Variants in CPS1 observed in about 807,000 individuals in gnomAD.
CPS1 encodes carbamoyl-phosphate synthase 1.
A neutral mutation model predicts 174.6 loss-of-function variants in CPS1; 109 were observed. The observed-to-expected ratio is 0.62, with a 90% CI of 0.53 to 0.73. CPS1 has a LOEUF of 0.73. Among genes scored for constraint, CPS1 ranks in the 30% least tolerant of loss-of-function variants. The pLI is 0.00. For synonymous variants in CPS1, 637 were observed against 632.0 expected (o/e 1.01, Z -0.12); for missense variants, 1,689 against 1,821.9 (o/e 0.93, Z 1.33).
intron 1 of CPS1, among the ~76,000 whole-genome samples, chr2:210,539,269 C>G (rs1411173562): frequency 6.6e-6 from 1 of 152,150 alleles, no homozygotes; most frequent in Non-Finnish European, 1.5e-5. Context: ...AGTGTTTGCT[C>G]TTATTCTCAG....
At chr2:210,538,176 G>C (rs1287879612) in intron 1 of CPS1, among the ~76,000 whole-genome samples, 1 of 152,090 alleles carries the variant, frequency 6.6e-6, no homozygotes, top group Non-Finnish European at 1.5e-5. Context: ...TTAATAAGAT[G>C]CCATTTTCAG....
intron 13 of CPS1, among the ~76,000 whole-genome samples, chr2:210,595,995 A>C (rs920584500): frequency 1.2e-4 from 18 of 151,926 alleles, no homozygotes; most frequent in African/African-American, 4.3e-4. Flanking sequence ...TCTGTGGTTG[A>C]AATGGGAAAC....
intron 1 of CPS1, among the ~76,000 whole-genome samples, chr2:210,568,310 AGAGAGCGAGCCAGAT>A (rs1262673834): frequency 1.3e-5 from 2 of 152,110 alleles, no homozygotes; most frequent in Non-Finnish European, 2.9e-5. Flanking sequence ...TATTCCATAT[AGAGAGCGAGCCAGAT>A]GAGAGGACTT....
In CPS1 at chr2:210,590,882, C is replaced by T. The variant is rs200664811; in HGVS notation, c.923C>T (p.Thr308Ile). ...LITGLAAGAK[T>I]YKMSMANRGQ... is the part of the protein sequence containing the mutation. Reference sequence around the variant, plus strand: ...ACAGGATTGGCTGCTGGTGCCAAAACCTACAAGATGTCCATGGCCAACAGG... The same window carrying T: ...ACAGGATTGGCTGCTGGTGCCAAAATCTACAAGATGTCCATGGCCAACAGG... Residue 308 changes from threonine to isoleucine, a missense_variant, in exon 9 of 38, where the codon ACC becomes ATC. By Grantham distance (89) the Thr-to-Ile change is moderately conservative. Coordinates refer to ENST00000233072, the MANE Select transcript of CPS1 (RefSeq NM_001875.5). The T allele has an allele frequency of 6.2e-7, 1 of 1,611,208 alleles. No homozygotes were observed. The highest frequency in any genetic ancestry group is 2.2e-5 in the East Asian group (1 of 44,758).
intron 1 of CPS1, among the ~76,000 whole-genome samples, chr2:210,536,543 G>T (rs1413147473): frequency 1.3e-5 from 2 of 152,122 alleles, no homozygotes; most frequent in Middle Eastern, 3.4e-3. Flanking sequence ...AGCCAGGATG[G>T]CTACGATCTC....
At position 210,627,772 on chromosome 2, in the gene CPS1, G is replaced by C. The variant is rs929506480; in HGVS notation, c.2688-9930G>C. The stretch of plus-strand genomic sequence containing the variant: ...CAGGAGAGGAAAGAAAACAAAGGGA[G>C]CTGAGGTGCTGGGCCAAATGTAGGT... On this transcript the variant is annotated intron_variant, in intron 21 of 37. Transcript: ENST00000233072. Among the ~76,000 whole-genome samples, 6 of 152,190 alleles carry C rather than the reference G, an allele frequency of 3.9e-5. 1 individual carries two copies. Among genetic ancestry groups the C allele is most frequent in the Admixed American group, 3.9e-4 (6 of 15,286 alleles).
intron 11 of CPS1, chr2:210,593,570 T>C: frequency 2.0e-6 from 2 of 985,562 alleles, no homozygotes; most frequent in Non-Finnish European, 1.2e-6. Flanking sequence ...AAATAAATTC[T>C]TCTGGTGATA....
intron 1 of CPS1, among the ~76,000 whole-genome samples, chr2:210,487,574 T>C (rs374729981): frequency 5.0e-4 from 76 of 152,350 alleles, no homozygotes; most frequent in African/African-American, 1.8e-3. Context: ...GTGAGGACTT[T>C]GGTGGAAATT....
intron 1 of CPS1, among the ~76,000 whole-genome samples, chr2:210,529,323 T>G (rs1174031716): frequency 6.6e-6 from 1 of 152,004 alleles, no homozygotes; most frequent in African/African-American, 2.4e-5. Context: ...AATTTCCACT[T>G]TCTCTTGGGA....
At chr2:210,510,891 A>C (rs1175623875) in intron 1 of CPS1, among the ~76,000 whole-genome samples, 1 of 152,144 alleles carries the variant, frequency 6.6e-6, no homozygotes, top group Non-Finnish European at 1.5e-5. Context: ...ACAGGTGCTG[A>C]AGAGGATGTG....
chr2:210,554,054 C>T (rs1387494795), upstream of CPS1, among the ~76,000 whole-genome samples: 2 of 148,236 alleles, frequency 1.3e-5, no homozygotes, highest in African/African-American at 5.0e-5. Context: ...AAGACATGGA[C>T]CATAAAATAT....
intron 1 of CPS1, among the ~76,000 whole-genome samples, chr2:210,521,129 T>C (rs924171361): frequency 1.3e-5 from 2 of 152,086 alleles, no homozygotes; most frequent in Admixed American, 1.3e-4. Context: ...GTCTTTCAAA[T>C]TGTAGCCATT....
At chr2:210,578,572 G>A (rs1453162494) in intron 4 of CPS1, among the ~76,000 whole-genome samples, 4 of 152,042 alleles carry the variant, frequency 2.6e-5, no homozygotes, top group Non-Finnish European at 4.4e-5. Flanking sequence ...TTTATTCTAC[G>A]AAAGTGCTGC....
chr2:210,543,305 A>G (rs546938194), intron 1 of CPS1, among the ~76,000 whole-genome samples: 1 of 152,228 alleles, frequency 6.6e-6, no homozygotes, highest in Non-Finnish European at 1.5e-5. Flanking sequence ...ATAAATGGCA[A>G]ATCAATATGT....
intron 22 of CPS1, among the ~76,000 whole-genome samples, chr2:210,638,051 G>C (rs1325785551): frequency 6.6e-6 from 1 of 152,188 alleles, no homozygotes; most frequent in African/African-American, 2.4e-5. Flanking sequence ...AGGACACTAG[G>C]ATGTAAAGAT....
intron 1 of CPS1, among the ~76,000 whole-genome samples, chr2:210,480,655 C>T (rs908738512): frequency 2.0e-5 from 3 of 152,190 alleles, no homozygotes; most frequent in African/African-American, 7.2e-5. Flanking sequence ...CTTTCAAACA[C>T]ACATATACGC....
rs778477995 is a variant in CPS1 at position 210,641,969 on chromosome 2, G to C, written c.2960-515G>C. Among the ~76,000 whole-genome samples, 63 of 152,282 alleles carry C rather than the reference G, an allele frequency of 4.1e-4. 1 individual carries two copies. Among genetic ancestry groups the C allele is most frequent in the Non-Finnish European group, 3.1e-4 (21 of 68,024 alleles). On this transcript the variant is annotated intron_variant, in intron 24 of 37. Transcript: ENST00000233072. ...GGCCTTGCCAAGTTTAAAAGGATATGCTTGGAAAAGATAGGACTCTTCAAT... is the reference window on the plus strand; with the variant it reads ...GGCCTTGCCAAGTTTAAAAGGATATCCTTGGAAAAGATAGGACTCTTCAAT...
intron 21 of CPS1, among the ~76,000 whole-genome samples, chr2:210,636,093 T>C (rs1038654322): frequency 1.3e-5 from 2 of 152,238 alleles, no homozygotes; most frequent in Non-Finnish European, 2.9e-5. Context: ...TTAGATCTTC[T>C]GGCAATACAC....
intron 6 of CPS1, among the ~76,000 whole-genome samples, chr2:210,583,179 T>C (rs1240819610): frequency 6.6e-6 from 1 of 152,186 alleles, no homozygotes; most frequent in East Asian, 1.9e-4. Flanking sequence ...GTTATAGCTT[T>C]GTTTCAAAAT....
Sources: gnomAD v4.1 joint callset for allele counts (sites outside exome capture counted in the v4.1 genomes callset) on GRCh38, gnomAD v4.1.1 for gene constraint, MANE v1.5 for transcripts, NCBI Gene and HGNC (gene_info 2026-07-23, HGNC 2026-07-21) for gene names.